Variants in GAS2 observed in about 807,000 individuals in gnomAD.
The protein encoded by GAS2 is growth arrest-specific protein 2.
GAS2 carries 20 observed loss-of-function variants against 37.5 expected under a neutral mutation model. That is an observed-to-expected ratio of 0.53 (90% CI 0.37 to 0.77). The LOEUF (loss-of-function observed/expected upper bound fraction) is 0.77, where lower values mean the gene tolerates loss of function less well. Among genes scored for constraint, GAS2 ranks in the 30% least tolerant of loss-of-function variants. The pLI is 0.00. For synonymous variants in GAS2, 144 were observed against 132.2 expected (o/e 1.09, Z -0.61); for missense variants, 336 against 373.4 (o/e 0.90, Z 0.82).
chr11:22,796,972 T>C (rs1007977917), intron 7 of GAS2, among the ~76,000 whole-genome samples: 1 of 152,144 alleles, frequency 6.6e-6, no homozygotes, highest in African/African-American at 2.4e-5. Flanking sequence ...ATAGACCAGC[T>C]ACAAATCCTT....
intron 6 of GAS2, chr11:22,755,551 C>T (rs1397953043): frequency 4.7e-6 from 1 of 210,560 alleles, no homozygotes; most frequent in East Asian, 1.1e-4. Context: ...AGTAGGAACC[C>T]AGCTGATTAT....
At chr11:22,694,072 A>G (rs1850380437) in intron 3 of GAS2, among the ~76,000 whole-genome samples, 1 of 152,152 alleles carries the variant, frequency 6.6e-6, no homozygotes, top group South Asian at 2.1e-4. Flanking sequence ...TACTAGGCTT[A>G]ATACCTGGGT....
rs1203345012 is a variant in GAS2, at chr11:22,796,620, T to C, written c.724-15178T>C. ...CATTTTAATGTCAATATACTAAAGA[T>C]ACATTAAAACCAGTAGCAAAGTAAT... On this transcript the variant is annotated intron_variant, in intron 7 of 7. Transcript: ENST00000454584. 4.6e-5 allele frequency among the ~76,000 whole-genome samples: 7 copies of C among 152,150 alleles called. 1 individual carries two copies. Among genetic ancestry groups the C allele is most frequent in the Admixed American group, 4.6e-4 (7 of 15,234 alleles).
chr11:22,651,154 A>G (rs1430761857), intron 1 of GAS2, among the ~76,000 whole-genome samples: 1 of 151,154 alleles, frequency 6.6e-6, no homozygotes, highest in East Asian at 1.9e-4. Flanking sequence ...TCTGTAAAGT[A>G]TTTTATTTCT....
intron 7 of GAS2, among the ~76,000 whole-genome samples, chr11:22,770,652 G>A (rs1390678484): frequency 6.6e-6 from 1 of 152,168 alleles, no homozygotes; most frequent in Non-Finnish European, 1.5e-5. Context: ...CCAGAAGAGA[G>A]ATAATTCTAA....
upstream of GAS2, among the ~76,000 whole-genome samples, chr11:22,662,247 C>T (rs192236326): frequency 9.2e-5 from 14 of 152,302 alleles, no homozygotes; most frequent in Admixed American, 9.2e-4. Flanking sequence ...CACAGGCAAG[C>T]ATCTGTTTTA....
chr11:22,660,108 C>A (rs112584318), intron 1 of GAS2, among the ~76,000 whole-genome samples: 1 of 152,182 alleles, frequency 6.6e-6, no homozygotes, highest in Admixed American at 6.5e-5. Flanking sequence ...TTTTTAAAAA[C>A]CATTTTTGCT....
intron 3 of GAS2, among the ~76,000 whole-genome samples, chr11:22,705,913 G>A (rs1851092661): frequency 6.6e-6 from 1 of 152,166 alleles, no homozygotes; most frequent in South Asian, 2.1e-4. Context: ...GAAGCAGAAT[G>A]GGAATAAGCA....
intron 4 of GAS2, among the ~76,000 whole-genome samples, chr11:22,727,441 A>C (rs1852270119): frequency 6.6e-6 from 1 of 152,140 alleles, no homozygotes; most frequent in African/African-American, 2.4e-5. Context: ...CCCATGCGTA[A>C]CCTAGGAAAT....
chr11:22,754,180 T>C (rs1187837008), intron 6 of GAS2, among the ~76,000 whole-genome samples: 1 of 152,076 alleles, frequency 6.6e-6, no homozygotes, highest in Non-Finnish European at 1.5e-5. Flanking sequence ...TTTGAATCCA[T>C]GATTATTTTG....
intron 3 of GAS2, 117 bp downstream of exon 3, chr11:22,685,906 C>T: frequency 1.2e-6 from 1 of 869,370 alleles, no homozygotes; most frequent in Non-Finnish European, 1.7e-6. Flanking sequence ...TCTATACTAA[C>T]AACAAAGTAC....
chr11:22,786,816 T>G lies in GAS2; in HGVS notation c.724-24982T>G, dbSNP rs1235956021. The stretch of plus-strand genomic sequence containing the variant: ...TCACACTGTTAGGTATTTTCAGTTT[T>G]ATTTTTGAGGACTTTTCAGAAAGAA... On this transcript the variant is annotated intron_variant, in intron 7 of 7. Transcript: ENST00000454584. Among the ~76,000 whole-genome samples, 3 of 152,174 alleles carry G rather than the reference T, an allele frequency of 2.0e-5. No homozygotes were observed. In the East Asian group the frequency reaches 5.8e-4, roughly 29 times the overall value.
intron 7 of GAS2, among the ~76,000 whole-genome samples, chr11:22,784,391 G>T (rs987416569): frequency 2.6e-5 from 4 of 152,074 alleles, no homozygotes; most frequent in African/African-American, 9.7e-5. Flanking sequence ...AAAGTTCAAG[G>T]TACTTTCTAG....
Position 22,781,730 on chromosome 11 carries a change from T to C in GAS2, c.723+25777T>C, listed in dbSNP as rs189998476. ...TTATGGTACTCGGTGTAACACATTA[T>C]AAGGTCCAAAAAATATTATATTTTT... On this transcript the variant is annotated intron_variant, in intron 7 of 7. Coordinates refer to ENST00000454584, the MANE Select transcript of GAS2 (RefSeq NM_001143830.3). Among the ~76,000 whole-genome samples the C allele has an allele frequency of 2.1e-3, 313 of 151,440 alleles. 2 individuals carry two copies. Among genetic ancestry groups the C allele is most frequent in the African/African-American group, 7.4e-3 (301 of 40,756 alleles).
chr11:22,697,359 A>G (rs1046487780), intron 3 of GAS2, among the ~76,000 whole-genome samples: 68 of 152,152 alleles, frequency 4.5e-4, no homozygotes, highest in African/African-American at 1.5e-3. Flanking sequence ...TTGTAGTATA[A>G]TTTGAAGTCA....
At chr11:22,654,091 TA>T (rs1197319052) in intron 1 of GAS2, among the ~76,000 whole-genome samples, 1 of 152,224 alleles carries the variant, frequency 6.6e-6, no homozygotes, top group African/African-American at 2.4e-5. Context: ...GGACTAGATA[TA>T]AACTAAACCC....
At chr11:22,790,537 C>T (rs1315032222) in intron 7 of GAS2, among the ~76,000 whole-genome samples, 1 of 151,910 alleles carries the variant, frequency 6.6e-6, no homozygotes, top group African/African-American at 2.4e-5. Context: ...TTCACAAAAC[C>T]TATTGCCCTC....
chr11:22,779,038 G>GT (rs1371358086), intron 7 of GAS2, among the ~76,000 whole-genome samples: 58 of 139,460 alleles, frequency 4.2e-4, no homozygotes, highest in African/African-American at 1.2e-3. Context: ...ATCCCATTAA[G>GT]TTTTTTGTTT....
intron 1 of GAS2, among the ~76,000 whole-genome samples, chr11:22,660,506 T>A (rs947113835): frequency 3.3e-5 from 5 of 152,210 alleles, no homozygotes; most frequent in Admixed American, 3.3e-4. Flanking sequence ...GAGAGTGGTA[T>A]TTGTTAATCC....
Sources: allele counts gnomAD v4.1 joint callset (sites outside exome capture counted in the v4.1 genomes callset), GRCh38; gene constraint gnomAD v4.1.1; transcripts MANE v1.5; gene names NCBI Gene and HGNC (gene_info 2026-07-23, HGNC 2026-07-21).